The following SPMIP2 variants were observed in gnomAD, a reference collection of about 807,000 sequenced individuals.
SPMIP2 encodes the protein protein SPMIP2.
the SPMIP2 span, among the ~76,000 whole-genome samples, chr4:159,029,456 T>C: frequency 1.6e-4 from 24 of 152,336 alleles, no homozygotes; most frequent in African/African-American, 4.6e-4. Context: ...TATCAACTTT[T>C]TAAAAAGGTT....
the SPMIP2 span, among the ~76,000 whole-genome samples, chr4:158,968,311 G>A: frequency 6.6e-6 from 1 of 152,190 alleles, no homozygotes; most frequent in Non-Finnish European, 1.5e-5. Context: ...TTACAGGCAT[G>A]AGCCACCATG....
chr4:158,973,436 A>G, the SPMIP2 span: 5 of 531,596 alleles, frequency 9.4e-6, no homozygotes, highest in African/African-American at 1.9e-5. Flanking sequence ...AGGTTCTATT[A>G]TAAGCCTTTT....
At chr4:158,995,391 G>A in the SPMIP2 span, among the ~76,000 whole-genome samples, 1 of 152,148 alleles carries the variant, frequency 6.6e-6, no homozygotes, top group African/African-American at 2.4e-5. Flanking sequence ...CAGTCACAAA[G>A]AATTAGAGAA....
the SPMIP2 span, among the ~76,000 whole-genome samples, chr4:158,900,802 G>C: frequency 6.5e-4 from 99 of 152,276 alleles, no homozygotes; most frequent in Non-Finnish European, 1.3e-4. Flanking sequence ...GCCAGTCTGT[G>C]TCTTTTAATT....
chr4:158,931,318 C>A, the SPMIP2 span, among the ~76,000 whole-genome samples: 140,824 of 152,244 alleles, frequency 0.92, 65,244 homozygotes, highest in East Asian at 0.95. Flanking sequence ...GGCATGATCT[C>A]GGCTCACTGC....
At chr4:158,949,317 C>T in the SPMIP2 span, among the ~76,000 whole-genome samples, 1 of 152,160 alleles carries the variant, frequency 6.6e-6, no homozygotes, top group Admixed American at 6.5e-5. Flanking sequence ...CAAAAGTGTC[C>T]TGTCTTGGGT....
At chr4:158,960,296 G>T in the SPMIP2 span, 2 of 1,553,986 alleles carry the variant, frequency 1.3e-6, no homozygotes, top group Non-Finnish European at 1.8e-6. Flanking sequence ...CATGGGTTTT[G>T]ATATCTGTGG....
At chr4:158,952,705 G>A in the SPMIP2 span, among the ~76,000 whole-genome samples, 2 of 152,220 alleles carry the variant, frequency 1.3e-5, no homozygotes, top group African/African-American at 4.8e-5. Flanking sequence ...ACTTCCTAGA[G>A]ACTTGTCGAA....
chr4:158,915,377 T>C, the SPMIP2 span: 1 of 1,593,012 alleles, frequency 6.3e-7, no homozygotes, highest in Non-Finnish European at 8.6e-7. Context: ...AGGAACAAAT[T>C]GGTTCTGAAA....
the SPMIP2 span, among the ~76,000 whole-genome samples, chr4:158,999,969 G>T: frequency 6.6e-6 from 1 of 152,052 alleles, no homozygotes; most frequent in Non-Finnish European, 1.5e-5. Context: ...TGCTGCCACT[G>T]GCATAGAGAA....
chr4:159,019,352 CCTCTCATAATTGCACAAGATTT>C, the SPMIP2 span, among the ~76,000 whole-genome samples: 1 of 149,408 alleles, frequency 6.7e-6, no homozygotes, highest in African/African-American at 2.5e-5. Context: ...GTGAATGTCA[CCTCTCATAATTGCACAAGATTT>C]CCTCGGAGTA....
the SPMIP2 span, among the ~76,000 whole-genome samples, chr4:159,072,306 C>T: frequency 6.6e-6 from 1 of 152,018 alleles, no homozygotes; most frequent in African/African-American, 2.4e-5. Context: ...AAGTGAGACC[C>T]TGTCTCAAAA....
At chr4:158,969,342 C>T in the SPMIP2 span, among the ~76,000 whole-genome samples, 1 of 152,072 alleles carries the variant, frequency 6.6e-6, no homozygotes, top group Non-Finnish European at 1.5e-5. Context: ...CAATTGTCTC[C>T]ATATATTCTT....
the SPMIP2 span, among the ~76,000 whole-genome samples, chr4:158,933,865 C>T: frequency 1.3e-5 from 2 of 152,202 alleles, no homozygotes; most frequent in Non-Finnish European, 2.9e-5. Flanking sequence ...ATCAAACCAA[C>T]ATCAACATAT....
chr4:158,961,979 A>T, the SPMIP2 span, among the ~76,000 whole-genome samples: 2 of 152,140 alleles, frequency 1.3e-5, no homozygotes, highest in African/African-American at 4.8e-5. Flanking sequence ...TATATTTTCT[A>T]TCTTAAATCA....
At chr4:158,901,692 CATT>C in the SPMIP2 span, among the ~76,000 whole-genome samples, 87 of 151,410 alleles carry the variant, frequency 5.7e-4, no homozygotes, top group African/African-American at 2.1e-3. Context: ...CGTTTGTTTT[CATT>C]TTTTCTGTAA....
At chr4:158,910,423 C>T in the SPMIP2 span, among the ~76,000 whole-genome samples, 4 of 152,024 alleles carry the variant, frequency 2.6e-5, no homozygotes, top group Non-Finnish European at 5.9e-5. Flanking sequence ...TACAGGCATG[C>T]ACCACCACGC....
the SPMIP2 span, among the ~76,000 whole-genome samples, chr4:159,064,712 TA>T: frequency 6.6e-6 from 1 of 152,214 alleles, no homozygotes; most frequent in South Asian, 2.1e-4. Context: ...CATTAATTAT[TA>T]AAAGTTTTAT....
At chr4:159,034,921 C>T in the SPMIP2 span, 11 of 779,228 alleles carry the variant, frequency 1.4e-5, no homozygotes, top group Non-Finnish European at 2.0e-5. Context: ...CAAACAAAAA[C>T]AAAAAACATA....
Sources: allele counts gnomAD v4.1 joint callset (sites outside exome capture counted in the v4.1 genomes callset), GRCh38; gene constraint gnomAD v4.1.1; transcripts MANE v1.5; gene names NCBI Gene and HGNC (gene_info 2026-07-23, HGNC 2026-07-21).